ADGRL2: variants seen among roughly 807,000 people sequenced by gnomAD.
ADGRL2 encodes adhesion G protein-coupled receptor L2, also known as calcium-independent alpha-latrotoxin receptor 2.
In ADGRL2, 44 loss-of-function variants were observed where a neutral mutation model predicts 157.4. That is an observed-to-expected ratio of 0.28 (90% CI 0.22 to 0.36). The LOEUF (loss-of-function observed/expected upper bound fraction) is 0.36. Among genes scored for constraint, ADGRL2 ranks in the 10% least tolerant of loss-of-function variants. The pLI is 1.00. For missense variants in ADGRL2, 1,510 were observed against 1,768.9 expected (o/e 0.85, Z 2.63); for synonymous variants, 585 against 624.7 (o/e 0.94, Z 0.95).
At chr1:81,899,554 G>A (rs2094452565) in intron 2 of ADGRL2, among the ~76,000 whole-genome samples, 1 of 152,078 alleles carries the variant, frequency 6.6e-6, no homozygotes, top group Non-Finnish European at 1.5e-5. Context: ...GAGCAAAACA[G>A]TTCATTTTAC....
intron 2 of ADGRL2, among the ~76,000 whole-genome samples, chr1:81,514,288 CAG>C (rs2079132819): frequency 6.6e-6 from 1 of 152,072 alleles, no homozygotes; most frequent in Non-Finnish European, 1.5e-5. Flanking sequence ...GGAAGGCTCT[CAG>C]AGATTATGTG....
rs35614162 is a variant in ADGRL2, at chr1:81,948,265, CAA to C, written c.1211-1914_1211-1913del. On this transcript the variant is annotated intron_variant, in intron 6 of 23. Transcript: ENST00000686636. ...GTGAAAAGGTATAAAAATAAATTAT[CAA>C]AAAAAAAAACAATGGAAACATGGCT... Among the ~76,000 whole-genome samples, 381 of 146,734 alleles carry C rather than the reference CAA, an allele frequency of 2.6e-3. 3 individuals carry two copies. Among genetic ancestry groups the C allele is most frequent in the South Asian group, 0.024 (114 of 4,672 alleles).
chr1:81,342,000 T>G lies in ADGRL2; in HGVS notation c.-302+35491T>G, dbSNP rs1297252265. 3.3e-5 allele frequency among the ~76,000 whole-genome samples: 5 copies of G among 152,162 alleles called. No homozygotes were observed. The South Asian group carries it at 8.3e-4, about 25-fold the overall frequency. On this transcript the variant is annotated intron_variant, in intron 1 of 24. Coordinates refer to the ADGRL2 transcript ENST00000370721. ...CTATTTTTCAGACAAATGTATTCAA[T>G]GCAGACTGTGAAACTGACTGTGTCT...
intron 2 of ADGRL2, among the ~76,000 whole-genome samples, chr1:81,774,482 T>C (rs2086498044): frequency 6.6e-6 from 1 of 152,216 alleles, no homozygotes; most frequent in South Asian, 2.1e-4. Context: ...TGGCATTTTT[T>C]AAGTTACAGA....
At chr1:81,574,469 G>A (rs1202396973) in intron 2 of ADGRL2, among the ~76,000 whole-genome samples, 4 of 152,120 alleles carry the variant, frequency 2.6e-5, no homozygotes, top group Non-Finnish European at 5.9e-5. Context: ...AAATGAATGG[G>A]CAACTGGGAC....
upstream of ADGRL2, among the ~76,000 whole-genome samples, chr1:81,798,478 A>G (rs1371240056): frequency 6.6e-6 from 1 of 152,144 alleles, no homozygotes; most frequent in Non-Finnish European, 1.5e-5. Flanking sequence ...TAGCAAGTCT[A>G]TTATATTTTT....
chr1:81,891,268 T>C (rs2094257064), intron 2 of ADGRL2, among the ~76,000 whole-genome samples: 1 of 152,036 alleles, frequency 6.6e-6, no homozygotes, highest in Non-Finnish European at 1.5e-5. Flanking sequence ...TCATATTCCA[T>C]TTTGTCAATA....
At chr1:81,701,780 C>T (rs1335309450) in intron 1 of ADGRL2, among the ~76,000 whole-genome samples, 1 of 152,242 alleles carries the variant, frequency 6.6e-6, no homozygotes, top group East Asian at 1.9e-4. Context: ...CTGTTAGACA[C>T]TGCAAAGCAG....
At chr1:81,754,189 T>C (rs2085586547) in intron 1 of ADGRL2, among the ~76,000 whole-genome samples, 1 of 150,970 alleles carries the variant, frequency 6.6e-6, no homozygotes, top group Admixed American at 6.6e-5. Flanking sequence ...TTGGATTTCA[T>C]AGATTCCCTC....
chr1:81,771,366 T>G (rs1363488168), intron 2 of ADGRL2, among the ~76,000 whole-genome samples: 1 of 152,160 alleles, frequency 6.6e-6, no homozygotes, highest in African/African-American at 2.4e-5. Flanking sequence ...CTGAATGGGG[T>G]GAATCTGAAT....
intron 1 of ADGRL2, among the ~76,000 whole-genome samples, chr1:81,376,059 C>G (rs1376680041): frequency 6.6e-6 from 1 of 152,200 alleles, no homozygotes; most frequent in Non-Finnish European, 1.5e-5. Flanking sequence ...TGGACTGACC[C>G]CTGCCACTCC....
intron 1 of ADGRL2, among the ~76,000 whole-genome samples, chr1:81,307,654 C>T (rs532748459): frequency 2.0e-4 from 31 of 152,178 alleles, no homozygotes; most frequent in Non-Finnish European, 3.5e-4. Context: ...ACAAAGTTGA[C>T]AGTCCTGAAA....
intron 1 of ADGRL2, among the ~76,000 whole-genome samples, chr1:81,422,173 C>T (rs987959408): frequency 8.3e-6 from 1 of 120,986 alleles, no homozygotes; most frequent in Non-Finnish European, 1.8e-5. Context: ...CACATATTTA[C>T]ATCTCTCAAA....
At chr1:81,564,245 C>A (rs997845844) in intron 2 of ADGRL2, among the ~76,000 whole-genome samples, 2 of 152,146 alleles carry the variant, frequency 1.3e-5, no homozygotes, top group East Asian at 3.9e-4. Context: ...TAACAAATTA[C>A]CCCCAGAACT....
At chr1:81,946,464 GGAA>G (rs1189413106) in intron 6 of ADGRL2, among the ~76,000 whole-genome samples, 1 of 150,910 alleles carries the variant, frequency 6.6e-6, no homozygotes, top group Non-Finnish European at 1.5e-5. Context: ...AATGGCCTTA[GGAA>G]AAACACTTTC....
rs576409715 is a variant in ADGRL2 at position 81,672,677 on chromosome 1, A to G, written c.-142-89134A>G. Among the ~76,000 whole-genome samples, 3 of 152,320 alleles carry G rather than the reference A, an allele frequency of 2.0e-5. No homozygotes were observed. In the South Asian group the frequency reaches 6.2e-4, roughly 32 times the overall value. On this transcript the variant is annotated intron_variant, in intron 3 of 24. Transcript: ENST00000370721. ...GCAACTTGGACTTGTGGGAAATGAC[A>G]ATTAAAAAATGTTGACATTGAACCG...
intron 2 of ADGRL2, among the ~76,000 whole-genome samples, chr1:81,553,019 G>A (rs2080188843): frequency 6.6e-6 from 1 of 152,156 alleles, no homozygotes; most frequent in Non-Finnish European, 1.5e-5. Context: ...GGCATTTACA[G>A]ACAGCAGAAG....
At chr1:81,441,849 A>AT (rs949660549) in intron 1 of ADGRL2, among the ~76,000 whole-genome samples, 10 of 151,268 alleles carry the variant, frequency 6.6e-5, no homozygotes, top group East Asian at 2.0e-4. Context: ...AGAATATTCC[A>AT]TTTTTTTTGA....
chr1:81,911,407 C>T (rs3790912), intron 3 of ADGRL2, among the ~76,000 whole-genome samples: 54,011 of 151,954 alleles, frequency 0.36, 9,924 homozygotes, highest in Middle Eastern at 0.43. Context: ...CTTTGAAGTA[C>T]TTGATTAACA....
Sources: gnomAD v4.1 joint callset for allele counts (sites outside exome capture counted in the v4.1 genomes callset) on GRCh38, gnomAD v4.1.1 for gene constraint, MANE v1.5 for transcripts, NCBI Gene and HGNC (gene_info 2026-07-23, HGNC 2026-07-21) for gene names.